CNOT1: variants seen among roughly 807,000 people sequenced by gnomAD.
The protein encoded by CNOT1 is CCR4-NOT transcription complex subunit 1, also known as CCR4-associated factor 1.
Under a neutral mutation model 273.8 loss-of-function variants are expected in CNOT1, and 15 were observed. The observed-to-expected ratio is 0.05, with a 90% CI of 0.04 to 0.08. The LOEUF (loss-of-function observed/expected upper bound fraction) is 0.08, where lower values mean the gene tolerates loss of function less well. Among genes scored for constraint, CNOT1 ranks in the 10% least tolerant of loss-of-function variants. CNOT1 has a pLI of 1.00. For missense variants in CNOT1, 1,644 were observed against 2,912.2 expected, an observed-to-expected ratio of 0.56 and a Z score of 10.02; for synonymous variants, 1,022 against 1,005.5, an observed-to-expected ratio of 1.02 and a Z score of -0.31.
rs148809011 is a variant in CNOT1 at position 58,601,339 on chromosome 16, C to T, written c.-174-1828G>A. ...TCTCTTAACTCCTGAGCTTGTGATC[C>T]GCCCGCCTCGGCCTCCCAAAGTGCT... On this transcript the variant is annotated intron_variant, in intron 1 of 48. Coordinates refer to ENST00000317147, the MANE Select transcript of CNOT1 (RefSeq NM_016284.5). Among the ~76,000 whole-genome samples the T allele has an allele frequency of 1.9e-3, 290 of 152,252 alleles. 1 individual carries two copies. Among genetic ancestry groups the T allele is most frequent in the African/African-American group, 3.0e-3 (124 of 41,556 alleles).
In CNOT1 at chr16:58,541,486, C is replaced by T. The variant is rs777528377; in HGVS notation, c.4800+15G>A. The T allele has an allele frequency of 6.2e-7, 1 of 1,608,880 alleles. No individual in the cohort carries two copies. Among genetic ancestry groups the T allele is most frequent in the East Asian group, 2.2e-5 (1 of 44,798 alleles). ...TAATTGGCAAAACACTCAATTTAAT[C>T]TAAAACACATTTACCTTCATGGGCT... On this transcript the variant is annotated intron_variant, in intron 34 of 48. Coordinates refer to ENST00000317147, the MANE Select transcript of CNOT1 (RefSeq NM_016284.5).
At chr16:58,593,073 T>C (rs1283190249) in intron 2 of CNOT1, among the ~76,000 whole-genome samples, 1 of 152,134 alleles carries the variant, frequency 6.6e-6, no homozygotes, top group African/African-American at 2.4e-5. Context: ...AGAATCAGGA[T>C]GGAACCTATT....
In CNOT1 at chr16:58,538,021, C is replaced by A; in HGVS notation, c.5284G>T (p.Ala1762Ser). ...AGCAGGATTTTTACTAACTGCATAG[C>A]AAATGCCACAGCCATGTAGTTTAAG... Reference protein sequence around the residue: ...NGLNYMAVAFAMQLVKILLVD... With the variant: ...NGLNYMAVAFSMQLVKILLVD... The change falls in exon 38 of 49, where the codon GCT becomes TCT. Residue 1762 changes from alanine to serine, a missense_variant. Coordinates refer to ENST00000317147, the MANE Select transcript of CNOT1 (RefSeq NM_016284.5). The A allele has an allele frequency of 6.2e-7, 1 of 1,614,198 alleles. No homozygotes were observed.
At chr16:58,574,079 C>CATCT (rs568143452) in intron 16 of CNOT1, among the ~76,000 whole-genome samples, 191 of 151,934 alleles carry the variant, frequency 1.3e-3, no homozygotes, top group African/African-American at 4.2e-3. Flanking sequence ...ACTGAAACCT[C>CATCT]ATCTCTACAA....
Position 58,599,602 on chromosome 16 carries a change from T to C in CNOT1, c.-174-91A>G, listed in dbSNP as rs2152007834. ...CAGGCGCAGTGGTGTTTACAACTAA[T>C]TGATCACAACTAGTTGCAAATTAAT... On this transcript the variant is annotated intron_variant, in intron 1 of 48. Coordinates refer to ENST00000317147, the MANE Select transcript of CNOT1 (RefSeq NM_016284.5). 1.4e-5 allele frequency: 7 copies of C among 486,184 alleles called. 1 individual carries two copies. In the South Asian group the frequency reaches 2.9e-4, roughly 20 times the overall value. The allele number at this position is 486,184 out of a possible 1,614,324, so 30.1% of individuals were successfully genotyped here. A position where few individuals can be genotyped will look rare whatever the true frequency, so the allele number is the denominator to read the frequency against.
At chr16:58,570,852 G>A (rs1382507243) in intron 16 of CNOT1, among the ~76,000 whole-genome samples, 2 of 151,736 alleles carry the variant, frequency 1.3e-5, no homozygotes, top group African/African-American at 4.8e-5. Context: ...AAGAAACATA[G>A]GAGTTAAGAT....
At chr16:58,611,619 G>A (rs774576715) in intron 1 of CNOT1, among the ~76,000 whole-genome samples, 2 of 151,534 alleles carry the variant, frequency 1.3e-5, no homozygotes, top group East Asian at 2.0e-4. Context: ...TCAGAAGTTC[G>A]AGACCAGCCT....
intron 2 of CNOT1, among the ~76,000 whole-genome samples, chr16:58,595,794 T>A (rs2042230602): frequency 6.6e-6 from 1 of 152,112 alleles, no homozygotes; most frequent in Non-Finnish European, 1.5e-5. Flanking sequence ...TAATAAAGTA[T>A]AACCAGGTGA....
rs7186776 is a variant in CNOT1, at chr16:58,542,027, C to G, written c.4680+204G>C. ...ACTCCTTAGAGTAATAACACTTCAACAACTCTGGAGGAGCAAGGGAATTTA... is the reference window on the plus strand; with the variant it reads ...ACTCCTTAGAGTAATAACACTTCAAGAACTCTGGAGGAGCAAGGGAATTTA... On this transcript the variant is annotated intron_variant, in intron 33 of 48. Transcript: ENST00000317147. Among the ~76,000 whole-genome samples, 3,512 of 152,330 alleles carry G rather than the reference C, an allele frequency of 0.023. 123 individuals are homozygous for G. The highest frequency in any genetic ancestry group is 0.079 in the African/African-American group (3,301 of 41,568).
At chr16:58,543,557 G>A (rs745435648) in intron 31 of CNOT1, 50 bp downstream of exon 31, 7 of 1,613,170 alleles carry the variant, frequency 4.3e-6, no homozygotes, top group Non-Finnish European at 5.1e-6. Flanking sequence ...AATTATTACA[G>A]ACAAGCAGTA....
intron 2 of CNOT1, among the ~76,000 whole-genome samples, chr16:58,596,887 C>CAAAAAAAAAAAAAAAAAA (rs58567423): frequency 1.4e-5 from 1 of 69,978 alleles, no homozygotes. Flanking sequence ...GACTCCGTCT[C>CAAAAAAAAAAAAAAAAAA]AAAAAAAAAA....
At chr16:58,602,537 A>T (rs1455013265) in intron 1 of CNOT1, among the ~76,000 whole-genome samples, 1 of 136,406 alleles carries the variant, frequency 7.3e-6, no homozygotes, top group Non-Finnish European at 1.5e-5. Context: ...TGGGCAACAG[A>T]GCAAGACTCT....
intron 16 of CNOT1, among the ~76,000 whole-genome samples, chr16:58,572,224 C>T (rs1322526965): frequency 6.6e-6 from 1 of 151,386 alleles, no homozygotes; most frequent in East Asian, 1.9e-4. Context: ...CGGAGGGTTG[C>T]GGTGAGCCGA....
chr16:58,522,881 A>G (rs2039452948), intron 47 of CNOT1: 1 of 152,280 alleles, frequency 6.6e-6, no homozygotes, highest in Non-Finnish European at 1.5e-5. Context: ...AATGAGTATT[A>G]AGAGGGCAGG....
Position 58,547,035 on chromosome 16 carries a change from G to T in CNOT1, c.3750+151C>A. 1.7e-6 allele frequency: 2 copies of T among 1,160,718 alleles called. No homozygotes were observed. Among genetic ancestry groups the T allele is most frequent in the Non-Finnish European group, 2.4e-6 (2 of 848,244 alleles). 71.9% of individuals were successfully genotyped at this position (1,160,718 alleles called of 1,614,324 possible). A position where few individuals can be genotyped will look rare whatever the true frequency, so the allele number is the denominator to read the frequency against. On this transcript the variant is annotated intron_variant, in intron 27 of 48. Coordinates refer to ENST00000317147, the MANE Select transcript of CNOT1 (RefSeq NM_016284.5). The surrounding 1 kb of genome is among the most constrained non-coding windows in gnomAD (Gnocchi z 4.0). ...ATTATAATCTTTCTTATTTCACCCAGCCTCTCAAATTGGAAATCCAAGTGC... is the reference window on the plus strand; with the variant it reads ...ATTATAATCTTTCTTATTTCACCCATCCTCTCAAATTGGAAATCCAAGTGC...
intron 47 of CNOT1, 76 bp from the exon 48 acceptor site, chr16:58,521,393 C>G: frequency 6.9e-7 from 1 of 1,447,658 alleles, no homozygotes; most frequent in Non-Finnish European, 9.4e-7. Flanking sequence ...TACTTTTTTT[C>G]TAACTTCTCC....
chr16:58,560,093 T>C (rs2040779636), intron 17 of CNOT1, 119 bp downstream of exon 17: 3 of 1,528,954 alleles, frequency 2.0e-6, no homozygotes, highest in Non-Finnish European at 2.6e-6. Flanking sequence ...AATAAGTGGA[T>C]GCTAGACATG....
chr16:58,578,638 A>G, intron 13 of CNOT1, 61 bp downstream of exon 13: 2 of 1,576,602 alleles, frequency 1.3e-6, no homozygotes, highest in South Asian at 2.3e-5. Flanking sequence ...AGCTTCCTCA[A>G]CACTCCAAAG....
chr16:58,605,643 C>T (rs1004944662), intron 1 of CNOT1, among the ~76,000 whole-genome samples: 1 of 152,108 alleles, frequency 6.6e-6, no homozygotes, highest in African/African-American at 2.4e-5. Flanking sequence ...AATAAAAATG[C>T]TAAATCCTTT....
Sources: gnomAD v4.1 joint callset for allele counts (sites outside exome capture counted in the v4.1 genomes callset) on GRCh38, gnomAD v4.1.1 for gene constraint, Gnocchi (gnomAD v3.1) non-coding constraint, MANE v1.5 for transcripts, NCBI Gene and HGNC (gene_info 2026-07-23, HGNC 2026-07-21) for gene names.